MPHOSPH9: variants seen among roughly 807,000 people sequenced by gnomAD.
MPHOSPH9 encodes the protein M-phase phosphoprotein 9.
Under a neutral mutation model 145.5 loss-of-function variants are expected in MPHOSPH9, and 88 were observed. The ratio of observed to expected loss-of-function variants is 0.60; its 90% CI spans 0.51 to 0.72. The LOEUF is 0.72. Among genes scored for constraint, MPHOSPH9 ranks in the 30% least tolerant of loss-of-function variants. The probability of loss-of-function intolerance (pLI) is 0.00; values close to 1 mark genes in which losing one functional copy is unlikely to be tolerated. For missense variants in MPHOSPH9, 1,238 were observed against 1,386.6 expected, an observed-to-expected ratio of 0.89 and a Z score of 1.70; for synonymous variants, 435 against 486.2, an observed-to-expected ratio of 0.89 and a Z score of 1.39.
intron 16 of MPHOSPH9, among the ~76,000 whole-genome samples, chr12:123,171,789 T>C (rs2044594670): frequency 6.6e-6 from 1 of 151,990 alleles, no homozygotes; most frequent in Admixed American, 6.6e-5. Flanking sequence ...ATATTATATA[T>C]ATATCTCAAG....
intron 8 of MPHOSPH9, among the ~76,000 whole-genome samples, chr12:123,208,188 C>CAAA (rs35626958): frequency 2.3e-5 from 2 of 85,168 alleles, no homozygotes; most frequent in Non-Finnish European, 4.7e-5. Flanking sequence ...GACTCCGTCT[C>CAAA]AAAAAAAAAA....
At chr12:123,220,540 G>C (rs1283876001) in intron 5 of MPHOSPH9, among the ~76,000 whole-genome samples, 1 of 152,080 alleles carries the variant, frequency 6.6e-6, no homozygotes, top group Non-Finnish European at 1.5e-5. Context: ...ACTCCAGCCT[G>C]GGAGACAAGA....
rs1400532361 is a variant in MPHOSPH9, at chr12:123,155,387, G to C, written c.*1420C>G. On this transcript the variant is annotated 3_prime_UTR_variant, in exon 24 of 24. Coordinates refer to ENST00000606320, the MANE Select transcript of MPHOSPH9 (RefSeq NM_022782.4). ...GAAGGGAGCAGGGCTGTGGACCCCT[G>C]GCCTGGGGACCAGCCAGGTGAAGGG... 6.6e-6 allele frequency: 1 copy of C among 152,184 alleles called. No homozygotes were observed. Among genetic ancestry groups the C allele is most frequent in the African/African-American group, 2.4e-5 (1 of 41,444 alleles). The allele number at this position is 152,184 out of a possible 1,614,324, so 9.4% of individuals were successfully genotyped here. A position where few individuals can be genotyped will look rare whatever the true frequency, so the allele number is the denominator to read the frequency against.
At chr12:123,220,916 G>A (rs991644632) in intron 5 of MPHOSPH9, among the ~76,000 whole-genome samples, 14 of 152,072 alleles carry the variant, frequency 9.2e-5, no homozygotes, top group African/African-American at 3.1e-4. Context: ...TTAGCCTGGC[G>A]TGGTGGCGGG....
At chr12:123,186,403 C>T (rs901610433) in intron 13 of MPHOSPH9, among the ~76,000 whole-genome samples, 3 of 151,998 alleles carry the variant, frequency 2.0e-5, no homozygotes, top group Non-Finnish European at 4.4e-5. Flanking sequence ...CTGTAAGATA[C>T]TCACAACTGG....
chr12:123,236,767 A>G (rs1239952089), upstream of MPHOSPH9, among the ~76,000 whole-genome samples: 5 of 152,218 alleles, frequency 3.3e-5, 1 homozygote, highest in South Asian at 8.3e-4. Context: ...TTGATAAATT[A>G]TAAAGTTCCC....
chr12:123,208,193 A>G (rs1435109772), intron 8 of MPHOSPH9, among the ~76,000 whole-genome samples: 1 of 150,968 alleles, frequency 6.6e-6, no homozygotes, highest in African/African-American at 2.4e-5. Context: ...CGTCTCAAAA[A>G]AAAAAAAAAA....
intron 12 of MPHOSPH9, among the ~76,000 whole-genome samples, chr12:123,196,545 G>T (rs1312768276): frequency 6.6e-6 from 1 of 151,958 alleles, no homozygotes; most frequent in Non-Finnish European, 1.5e-5. Flanking sequence ...AAAAGATTGG[G>T]AATGACATAA....
intron 7 of MPHOSPH9, among the ~76,000 whole-genome samples, chr12:123,211,608 G>A (rs1252572346): frequency 1.3e-5 from 2 of 151,570 alleles, no homozygotes; most frequent in Non-Finnish European, 2.9e-5. Flanking sequence ...CACCCTCCTC[G>A]GCCTCCCAAA....
At position 123,160,816 on chromosome 12, in the gene MPHOSPH9, CAGG is replaced by C. The variant is rs755682869; in HGVS notation, c.3412_3414del (p.Pro1138del). Reference sequence around the variant, plus strand: ...CTTGTCTGTAAAGTGATTCGTCCTCCAGGAGAAGGCATCCTGCTTAGTGCTGCC... The same window carrying C: ...CTTGTCTGTAAAGTGATTCGTCCTCCAGAAGGCATCCTGCTTAGTGCTGCC... On this transcript the variant is annotated inframe_deletion, in exon 23 of 24. Coordinates refer to ENST00000606320, the MANE Select transcript of MPHOSPH9 (RefSeq NM_022782.4). 5 of 1,613,966 alleles carry C rather than the reference CAGG, an allele frequency of 3.1e-6. No homozygotes were observed. The highest frequency in any genetic ancestry group is 3.3e-5 in the Admixed American group (2 of 60,022).
rs1156829540 is a variant in MPHOSPH9, at chr12:123,163,017, A to G, written c.3026T>C (p.Ile1009Thr). The stretch of plus-strand genomic sequence containing the variant: ...TCTACAATTTTAGAGAACTTACCGA[A>G]TTGGACTGCTCTCATTTTTGCTAAG... ...HLLSKNESSP[I>T]RFDILLDDLD... Residue 1009 changes from isoleucine (I) to threonine (T), a missense_variant, in exon 20 of 24, where the codon ATT (isoleucine) becomes ACT (threonine). By Grantham distance (89) the Ile-to-Thr change is moderately conservative. Around this residue, in one of 3 missense-constraint regions of MPHOSPH9, gnomAD observed 393 missense variants for 462.5 expected, o/e 0.85. Coordinates refer to ENST00000606320, the MANE Select transcript of MPHOSPH9 (RefSeq NM_022782.4). 1.9e-6 allele frequency: 3 copies of G among 1,556,842 alleles called. No homozygotes were observed. Among genetic ancestry groups the G allele is most frequent in the Non-Finnish European group, 2.6e-6 (3 of 1,161,676 alleles).
chr12:123,169,752 C>G (rs947625319), intron 16 of MPHOSPH9, among the ~76,000 whole-genome samples: 1 of 151,658 alleles, frequency 6.6e-6, no homozygotes, highest in African/African-American at 2.4e-5. Flanking sequence ...AGGGGCCCAC[C>G]ACTGTGCCCA....
chr12:123,159,919 T>A lies in MPHOSPH9; in HGVS notation c.3450+862A>T, dbSNP rs903184850. ...TCTTGCTCTATTACCCAGGCTGGAG[T>A]GCAGTGGCACCATCTTGGCTCACTG... On this transcript the variant is annotated intron_variant, in intron 23 of 23. Coordinates refer to ENST00000606320, the MANE Select transcript of MPHOSPH9 (RefSeq NM_022782.4). The surrounding 1 kb of genome is among the most constrained non-coding windows in gnomAD (Gnocchi z 4.3). 1 of 152,010 alleles carries A rather than the reference T, an allele frequency of 6.6e-6. No homozygotes were observed. Among genetic ancestry groups the A allele is most frequent in the African/African-American group, 2.4e-5 (1 of 41,382 alleles). 9.4% of individuals were successfully genotyped at this position (152,010 alleles called of 1,614,324 possible).
At chr12:123,239,797 T>TC (rs2047903197) in intron 1 of MPHOSPH9, among the ~76,000 whole-genome samples, 1 of 152,098 alleles carries the variant, frequency 6.6e-6, no homozygotes, top group African/African-American at 2.4e-5. Flanking sequence ...TGACCCAGTT[T>TC]CCCAATCTCC....
chr12:123,184,575 G>A (rs1008983036), intron 13 of MPHOSPH9, among the ~76,000 whole-genome samples: 8 of 151,296 alleles, frequency 5.3e-5, no homozygotes, highest in Non-Finnish European at 1.0e-4. Flanking sequence ...TCTACTCACT[G>A]CAAGCTCCGC....
chr12:123,219,468 G>A (rs1470762787), intron 5 of MPHOSPH9, among the ~76,000 whole-genome samples: 2 of 149,702 alleles, frequency 1.3e-5, no homozygotes, highest in African/African-American at 4.9e-5. Context: ...CAGGAGAATG[G>A]CGTGAACCCG....
intron 2 of MPHOSPH9, among the ~76,000 whole-genome samples, 194 bp from the exon 3 acceptor site, chr12:123,227,810 CTT>C (rs550568410): frequency 1.0e-3 from 158 of 152,272 alleles, no homozygotes; most frequent in African/African-American, 3.7e-3. Flanking sequence ...GCACTGTACT[CTT>C]TTTAAGAACA....
At position 123,194,404 on chromosome 12, in the gene MPHOSPH9, C is replaced by T; in HGVS notation, c.2223G>A (p.Glu741=). ...TACTTACATCTTGAAACATTTTGTT[C>T]TCTTGTTTTAGTTGAGCTTCTTTAT... ...SDDKEAQLKQ[E]NKMFQDLLGE... Residue 741 remains glutamate (E), a synonymous_variant, in exon 13 of 24, where the codon GAG becomes GAA. Transcript: ENST00000606320. The T allele has an allele frequency of 1.3e-6, 2 of 1,593,458 alleles. No homozygotes were observed. Among genetic ancestry groups the T allele is most frequent in the Non-Finnish European group, 1.7e-6 (2 of 1,171,088 alleles).
chr12:123,162,881 C>T (rs1376316783), intron 20 of MPHOSPH9, 133 bp downstream of exon 20: 1 of 851,670 alleles, frequency 1.2e-6, no homozygotes. Context: ...ATGACATTCA[C>T]TTATGATTTA....
Sources: allele counts gnomAD v4.1 joint callset (sites outside exome capture counted in the v4.1 genomes callset), GRCh38; gene constraint gnomAD v4.1.1; regional missense constraint gnomAD v4.1.1; non-coding constraint Gnocchi (gnomAD v3.1); transcripts MANE v1.5; gene names NCBI Gene and HGNC (gene_info 2026-07-23, HGNC 2026-07-21).